The following NDEL1 variants were observed in gnomAD, a reference collection of about 807,000 sequenced individuals.
NDEL1 encodes nudE neurodevelopment protein 1 like 1.
In NDEL1, 9 loss-of-function variants were observed where a neutral mutation model predicts 45.7. The observed-to-expected ratio is 0.20, with a 90% CI of 0.12 to 0.34. The LOEUF (loss-of-function observed/expected upper bound fraction) is 0.34, where lower values mean the gene tolerates loss of function less well. Among genes scored for constraint, NDEL1 ranks in the 10% least tolerant of loss-of-function variants. The probability of loss-of-function intolerance (pLI) is 1.00; values close to 1 mark genes in which losing one functional copy is unlikely to be tolerated. For missense variants in NDEL1, 306 were observed against 406.2 expected (o/e 0.75, Z 2.12); for synonymous variants, 133 against 158.6 (o/e 0.84, Z 1.21).
At chr17:8,444,449 T>A in intron 2 of NDEL1, 92 bp downstream of exon 2, 1 of 826,736 alleles carries the variant, frequency 1.2e-6, no homozygotes, top group South Asian at 1.6e-5. Context: ...TAAAGCTAAA[T>A]TTAGAATTGC....
intron 1 of NDEL1, among the ~76,000 whole-genome samples, chr17:8,413,440 T>C (rs536434026): frequency 1.3e-5 from 2 of 152,320 alleles, no homozygotes; most frequent in African/African-American, 4.8e-5. Flanking sequence ...CCCTGTGGCA[T>C]GAGGGTTGGG....
At chr17:8,455,636 G>A (rs1171591406) in intron 7 of NDEL1, among the ~76,000 whole-genome samples, 7 of 144,100 alleles carry the variant, frequency 4.9e-5, no homozygotes, top group African/African-American at 7.8e-5. Flanking sequence ...GCAGTGAGCC[G>A]AGATCGAGCC....
chr17:8,445,268 A>G (rs1272387959), intron 2 of NDEL1, among the ~76,000 whole-genome samples: 1 of 152,274 alleles, frequency 6.6e-6, no homozygotes, highest in Non-Finnish European at 1.5e-5. Context: ...TACAGAAGTG[A>G]ATGTAATAAC....
intron 1 of NDEL1, among the ~76,000 whole-genome samples, chr17:8,428,272 A>T (rs1009616654): frequency 4.0e-5 from 6 of 151,156 alleles, no homozygotes; most frequent in African/African-American, 1.5e-4. Flanking sequence ...TGAATGAAAG[A>T]CTTTTCTCTC....
At chr17:8,443,328 A>G (rs918723720) in intron 1 of NDEL1, among the ~76,000 whole-genome samples, 3 of 152,212 alleles carry the variant, frequency 2.0e-5, no homozygotes, top group Admixed American at 1.3e-4. Flanking sequence ...AGAGATTTTA[A>G]TGCTGTCCAG....
intron 1 of NDEL1, among the ~76,000 whole-genome samples, chr17:8,439,546 G>A (rs1015045037): frequency 1.8e-4 from 27 of 151,980 alleles, no homozygotes; most frequent in Admixed American, 5.9e-4. Context: ...GAGCCACCGC[G>A]CCTGGCCTGC....
chr17:8,443,561 T>A (rs1256375604), intron 1 of NDEL1, among the ~76,000 whole-genome samples: 1 of 151,792 alleles, frequency 6.6e-6, no homozygotes, highest in African/African-American at 2.4e-5. Context: ...GCCTCTAGAG[T>A]GGGCCTGACG....
At chr17:8,449,231 T>C (rs1910303194) in intron 5 of NDEL1, among the ~76,000 whole-genome samples, 1 of 152,204 alleles carries the variant, frequency 6.6e-6, no homozygotes, top group Non-Finnish European at 1.5e-5. Flanking sequence ...TCCGGCCGCC[T>C]TGGCCTCCCA....
At chr17:8,425,300 A>G (rs1197088043) in intron 1 of NDEL1, among the ~76,000 whole-genome samples, 2 of 152,230 alleles carry the variant, frequency 1.3e-5, no homozygotes, top group Non-Finnish European at 2.9e-5. Flanking sequence ...AAGTGCTTTG[A>G]GGCCAGGCGC....
At chr17:8,428,031 C>T (rs919145401) in intron 1 of NDEL1, among the ~76,000 whole-genome samples, 2 of 152,204 alleles carry the variant, frequency 1.3e-5, no homozygotes, top group Admixed American at 1.3e-4. Flanking sequence ...CCTATTTTCA[C>T]TCAGGGAGCA....
At chr17:8,466,849 A>C in intron 8 of NDEL1, 81 bp from the exon 9 acceptor site, 1 of 1,367,136 alleles carries the variant, frequency 7.3e-7, no homozygotes, top group Non-Finnish European at 1.0e-6. Flanking sequence ...AAGCAGATTA[A>C]TTTCCTATTG....
chr17:8,474,185 A>G (rs1384077334), intron 3 of NDEL1: 1 of 152,682 alleles, frequency 6.5e-6, no homozygotes. Context: ...GAAATCGAGA[A>G]CAGAAGGTGA....
At chr17:8,456,850 ACT>A (rs1910879855) in intron 7 of NDEL1, among the ~76,000 whole-genome samples, 1 of 150,086 alleles carries the variant, frequency 6.7e-6, no homozygotes, top group Non-Finnish European at 1.5e-5. Context: ...TCCCCACCAC[ACT>A]CCCACTCCGC....
upstream of NDEL1, among the ~76,000 whole-genome samples, chr17:8,433,742 C>T (rs914015734): frequency 8.5e-5 from 13 of 152,064 alleles, no homozygotes; most frequent in African/African-American, 1.7e-4. Flanking sequence ...TCTCGAACTT[C>T]TGGGCTCAAG....
chr17:8,420,119 G>C (rs1239118410), intron 1 of NDEL1, among the ~76,000 whole-genome samples: 1 of 152,152 alleles, frequency 6.6e-6, no homozygotes, highest in Non-Finnish European at 1.5e-5. Flanking sequence ...TCTCTTCTAC[G>C]TCTGAGGGTC....
chr17:8,463,148 CTCT>C, intron 8 of NDEL1: 7 of 524,314 alleles, frequency 1.3e-5, no homozygotes, highest in Non-Finnish European at 2.4e-5. Context: ...CTCAAAAACA[CTCT>C]TTTTTTTCCC....
chr17:8,450,729 T>A (rs1425786970), intron 5 of NDEL1, 51 bp from the exon 6 acceptor site: 1 of 1,496,868 alleles, frequency 6.7e-7, no homozygotes, highest in South Asian at 1.3e-5. Flanking sequence ...TTGCTTGATA[T>A]ATTTGCTCCC....
intron 3 of NDEL1, among the ~76,000 whole-genome samples, chr17:8,473,698 C>T (rs1160705710): frequency 6.6e-6 from 1 of 152,196 alleles, no homozygotes; most frequent in African/African-American, 2.4e-5. Context: ...CCCTTACCCC[C>T]AGAACCAGTC....
chr17:8,450,298 A>AAC (rs1555560713), intron 5 of NDEL1, among the ~76,000 whole-genome samples: 15 of 151,600 alleles, frequency 9.9e-5, no homozygotes, highest in Admixed American at 3.9e-4. Flanking sequence ...CAAAAAAAAA[A>AAC]AAAAACGCTC....
Sources: allele counts gnomAD v4.1 joint callset (sites outside exome capture counted in the v4.1 genomes callset), GRCh38; gene constraint gnomAD v4.1.1; transcripts MANE v1.5; gene names NCBI Gene and HGNC (gene_info 2026-07-23, HGNC 2026-07-21).